Variants in ARHGEF11 observed in about 807,000 individuals in gnomAD.
The protein encoded by ARHGEF11 is Rho guanine exchange factor (GEF) 11.
A neutral mutation model predicts 193.7 loss-of-function variants in ARHGEF11; 55 were observed. The ratio of observed to expected loss-of-function variants is 0.28; its 90% CI spans 0.23 to 0.36. ARHGEF11 has a LOEUF of 0.36. Ranked by LOEUF, ARHGEF11 falls within the 10% of genes least tolerant of loss-of-function variation. ARHGEF11 has a pLI of 1.00. For missense variants in ARHGEF11, 1,723 were observed against 2,005.6 expected (o/e 0.86, Z 2.69); for synonymous variants, 693 against 768.0 (o/e 0.90, Z 1.62).
At chr1:157,046,437 G>A (rs1271632790), upstream of ARHGEF11, among the ~76,000 whole-genome samples, 2 of 60,226 alleles carry the variant, frequency 3.3e-5, no homozygotes, top group Non-Finnish European at 7.9e-5. Flanking sequence ...CCGCAGCTGC[G>A]GCTCACCCTC....
chr1:157,000,452 A>G (rs1046949348), intron 1 of ARHGEF11, among the ~76,000 whole-genome samples: 11 of 152,206 alleles, frequency 7.2e-5, no homozygotes, highest in African/African-American at 2.4e-4. Context: ...GATTATTGGC[A>G]CAAATAAAGG....
intron 1 of ARHGEF11, among the ~76,000 whole-genome samples, chr1:157,025,085 A>G (rs773406304): frequency 2.0e-5 from 3 of 152,238 alleles, no homozygotes; most frequent in African/African-American, 4.8e-5. Context: ...ATCAATGAAC[A>G]TCTCTTGCTG....
At chr1:157,043,810 C>T (rs1343358739) in intron 1 of ARHGEF11, among the ~76,000 whole-genome samples, 2 of 152,178 alleles carry the variant, frequency 1.3e-5, no homozygotes, top group African/African-American at 4.8e-5. Context: ...CAAGAACATC[C>T]TCTTCATTTC....
chr1:157,000,704 G>C (rs1667107531), intron 1 of ARHGEF11, among the ~76,000 whole-genome samples: 1 of 152,206 alleles, frequency 6.6e-6, no homozygotes, highest in Admixed American at 6.5e-5. Flanking sequence ...TGGGTAACTT[G>C]TGGAAGTAAT....
At position 156,947,320 on chromosome 1, in the gene ARHGEF11, T is replaced by G. The variant is rs756187017; in HGVS notation, c.2472A>C (p.Glu824Asp). The change falls in exon 26 of 41, where the codon GAA becomes GAC. Residue 824 changes from glutamate to aspartate, a missense_variant. By Grantham distance (45) the Glu-to-Asp change is conservative. Coordinates refer to ENST00000368194, the MANE Select transcript of ARHGEF11 (RefSeq NM_198236.3). ...GCTCCTTACTGTGAATCTCTATGAGTTCAGGCAGGTTCGGGAAGAGCCGGG... is the reference window on the plus strand; with the variant it reads ...GCTCCTTACTGTGAATCTCTATGAGGTCAGGCAGGTTCGGGAAGAGCCGGG... ...ELARLFPNLPELIEIHNSWCE... is the reference protein window; with the variant it reads ...ELARLFPNLPDLIEIHNSWCE... 1 of 1,609,258 alleles carries G rather than the reference T, an allele frequency of 6.2e-7. No individual in the cohort carries two copies. Among genetic ancestry groups the G allele is most frequent in the Non-Finnish European group, 8.5e-7 (1 of 1,178,360 alleles).
chr1:156,964,644 T>A (rs1661446340), intron 11 of ARHGEF11, among the ~76,000 whole-genome samples: 1 of 152,200 alleles, frequency 6.6e-6, no homozygotes, highest in African/African-American at 2.4e-5. Flanking sequence ...CCAGAAGGTA[T>A]CTCAGACACT....
intron 21 of ARHGEF11, among the ~76,000 whole-genome samples, chr1:156,954,164 G>A (rs577309475): frequency 1.2e-4 from 19 of 152,192 alleles, no homozygotes; most frequent in African/African-American, 4.1e-4. Flanking sequence ...CGGATCGCCC[G>A]AGGTCAGGAG....
rs758818799 is a variant in ARHGEF11, at chr1:156,956,471, C to T, written c.1620G>A (p.Gln540=). 4.3e-6 allele frequency: 7 copies of T among 1,614,020 alleles called. No individual in the cohort carries two copies. In the African/African-American group the frequency reaches 8.0e-5, roughly 18 times the overall value. Residue 540 remains glutamine, a synonymous_variant, in exon 19 of 41, where the codon CAG becomes CAA. Transcript: ENST00000368194. ...ARPSNTAEKA[Q]SAPDKDKWLP... ...GCCACTTGTCCTTGTCAGGAGCAGA[C>T]TGGGCCTTTTCAGCTGTGTTGGAAG...
chr1:156,936,944 G>C lies in ARHGEF11; in HGVS notation c.4502C>G (p.Thr1501Ser). 6.2e-7 allele frequency: 1 copy of C among 1,614,082 alleles called. No homozygotes were observed. Residue 1501 changes from threonine (T) to serine (S), a missense_variant, in exon 40 of 41, where the codon ACC (threonine) becomes AGC (serine). Transcript: ENST00000368194. ...TGTGTGGAAACTGCCCACAGGCGTG[G>C]TGCCACCAGATGACTCTCCCCCAAG... ...KSLGGESSGGTTPVGSFHTEA... is the reference protein window; with the variant it reads ...KSLGGESSGGSTPVGSFHTEA...
intron 1 of ARHGEF11, among the ~76,000 whole-genome samples, chr1:156,994,333 GATA>G (rs1366702656): frequency 1.3e-5 from 2 of 150,668 alleles, no homozygotes; most frequent in Non-Finnish European, 3.0e-5. Flanking sequence ...GGGCAAAAAA[GATA>G]ATATTTATTA....
chr1:157,030,402 AAAG>A (rs1182103840), intron 1 of ARHGEF11, among the ~76,000 whole-genome samples: 1 of 152,180 alleles, frequency 6.6e-6, no homozygotes, highest in African/African-American at 2.4e-5. Flanking sequence ...ATGAGGAGGC[AAAG>A]AAGAGGGACT....
intron 1 of ARHGEF11, among the ~76,000 whole-genome samples, chr1:157,014,504 C>T (rs189388962): frequency 1.3e-5 from 2 of 152,168 alleles, no homozygotes. Context: ...AACTCCTGGG[C>T]TAAAGTGATC....
intron 6 of ARHGEF11, 45 bp from the exon 7 acceptor site, chr1:156,977,099 A>G (rs1196564270): frequency 6.6e-7 from 1 of 1,505,316 alleles, no homozygotes; most frequent in African/African-American, 1.4e-5. Flanking sequence ...GGACTAACTC[A>G]ACAGCTTAGC....
chr1:156,957,516 T>C (rs1660134198), intron 18 of ARHGEF11, among the ~76,000 whole-genome samples: 2 of 152,156 alleles, frequency 1.3e-5, no homozygotes, highest in Admixed American at 1.3e-4. Context: ...CCACCAGGTA[T>C]GGGACTGTGA....
chr1:156,946,843 C>G, intron 27 of ARHGEF11, 56 bp from the exon 28 acceptor site: 1 of 1,395,692 alleles, frequency 7.2e-7, no homozygotes, highest in Non-Finnish European at 9.5e-7. Context: ...TGGGACCAGA[C>G]CCCTGCCTTT....
chr1:157,018,283 T>C (rs1018151726), intron 1 of ARHGEF11, among the ~76,000 whole-genome samples: 4 of 152,096 alleles, frequency 2.6e-5, no homozygotes, highest in African/African-American at 7.2e-5. Flanking sequence ...TTCTGCACAA[T>C]CCCAATCATA....
In ARHGEF11 at chr1:156,955,685, T is replaced by C; in HGVS notation, c.1768+18A>G. 1.2e-6 allele frequency: 2 copies of C among 1,600,310 alleles called. No individual in the cohort carries two copies. Among genetic ancestry groups the C allele is most frequent in the Non-Finnish European group, 1.7e-6 (2 of 1,167,402 alleles). On this transcript the variant is annotated intron_variant, in intron 20 of 40. Transcript: ENST00000368194. Reference sequence around the variant, plus strand: ...CTGCCCAAGGAATGCCCAAGGCTGTTGCTCCCCAAATACTCACTGCTTTGA... The same window carrying C: ...CTGCCCAAGGAATGCCCAAGGCTGTCGCTCCCCAAATACTCACTGCTTTGA...
At chr1:157,037,488 AC>A (rs1177007731) in intron 1 of ARHGEF11, among the ~76,000 whole-genome samples, 10 of 152,100 alleles carry the variant, frequency 6.6e-5, no homozygotes, top group Non-Finnish European at 1.3e-4. Context: ...AATAATCTTA[AC>A]ACTTGGAGAC....
chr1:156,963,291 A>C lies in ARHGEF11; in HGVS notation c.1052T>G (p.Phe351Cys), dbSNP rs777603442. 1.1e-5 allele frequency: 17 copies of C among 1,613,986 alleles called. No individual in the cohort carries two copies. The highest frequency in any genetic ancestry group is 6.7e-5 in the East Asian group (3 of 44,898). The change falls in exon 13 of 41, where the codon TTC (phenylalanine) becomes TGC (cysteine). Residue 351 changes from phenylalanine (F) to cysteine (C), a missense_variant. Physicochemically the swap from Phe to Cys is radical, Grantham distance 205 (BLOSUM62 -2). Transcript: ENST00000368194. ...AGACTTCAGTTTCTCCAGATCCTGG[A>C]ATATGATGTCGCTCTGGAAGGCAGA... Reference protein sequence around the residue: ...GYFNNESDIIFQDLEKLKSRP... With the variant: ...GYFNNESDIICQDLEKLKSRP...
Sources: gnomAD v4.1 joint callset for allele counts (sites outside exome capture counted in the v4.1 genomes callset) on GRCh38, gnomAD v4.1.1 for gene constraint, MANE v1.5 for transcripts, NCBI Gene and HGNC (gene_info 2026-07-23, HGNC 2026-07-21) for gene names.